The following CD81 variants were observed in gnomAD, a reference collection of about 807,000 sequenced individuals.
CD81 encodes the protein CD81 antigen.
In CD81, 10 loss-of-function variants were observed where a neutral mutation model predicts 30.1. The ratio of observed to expected loss-of-function variants is 0.33; its 90% confidence interval spans 0.21 to 0.56. The LOEUF is 0.56. Among genes scored for constraint, CD81 ranks in the 20% least tolerant of loss-of-function variants. The pLI is 0.89. For synonymous variants in CD81, 147 were observed against 126.4 expected, an observed-to-expected ratio of 1.16 and a Z score of -1.10; for missense variants, 263 against 308.7, an observed-to-expected ratio of 0.85 and a Z score of 1.11.
At chr11:2,386,723 G>A (rs1849804834) in intron 1 of CD81, 3 of 690,636 alleles carry the variant, frequency 4.3e-6, no homozygotes, top group South Asian at 3.0e-5. Context: ...TGGTAGCCTC[G>A]GGGACAGTTG....
intron 1 of CD81, among the ~76,000 whole-genome samples, chr11:2,383,452 T>C (rs1849735511): frequency 1.3e-5 from 2 of 152,108 alleles, no homozygotes. Flanking sequence ...CAGCGTCCCT[T>C]CCTGGAAGCA....
At chr11:2,393,513 AGGTCCCGTAAC>A (rs1285443875) in intron 2 of CD81, 22 of 240,256 alleles carry the variant, frequency 9.2e-5, no homozygotes, top group Non-Finnish European at 1.6e-4. Context: ...GTTCAAATGC[AGGTCCCGTAAC>A]GGAAGTGCTG....
At chr11:2,379,037 C>T (rs1186143979) in intron 1 of CD81, 4 of 418,360 alleles carry the variant, frequency 9.6e-6, no homozygotes, top group Non-Finnish European at 2.0e-5. Flanking sequence ...TCGGCACTGC[C>T]CTGGCAGTGG....
intron 2 of CD81, 160 bp from the exon 3 acceptor site, chr11:2,393,935 A>G (rs765723367): frequency 2.8e-6 from 2 of 709,612 alleles, no homozygotes; most frequent in Non-Finnish European, 2.6e-6. Context: ...TCACCAGGCC[A>G]GGCTGGGATG....
intron 1 of CD81, among the ~76,000 whole-genome samples, chr11:2,380,187 G>A (rs533241042): frequency 6.6e-6 from 1 of 152,276 alleles, no homozygotes; most frequent in Admixed American, 6.5e-5. Context: ...AGGATGTGCA[G>A]TGGGGAAGGG....
chr11:2,379,184 C>G (rs116567970), intron 1 of CD81: 25 of 453,756 alleles, frequency 5.5e-5, no homozygotes, highest in Non-Finnish European at 1.1e-4. Context: ...CTGCCAGCCC[C>G]TGAAGCCCCG....
At chr11:2,386,533 C>A (rs1849800753) in intron 1 of CD81, 1 of 716,526 alleles carries the variant, frequency 1.4e-6, no homozygotes, top group Non-Finnish European at 2.6e-6. Flanking sequence ...CAGTGACCAT[C>A]ACCACCATTG....
rs769059226 is a variant in CD81, at chr11:2,396,664, G to C, written c.598G>C (p.Gly200Arg). 5 of 1,611,716 alleles carry C rather than the reference G, an allele frequency of 3.1e-6. No homozygotes were observed. The highest frequency in any genetic ancestry group is 4.2e-6 in the Non-Finnish European group (5 of 1,180,002). Residue 200 changes from glycine (G) to arginine (R), a missense_variant, in exon 7 of 8, where the codon GGG (glycine) becomes CGG (arginine). By Grantham distance (125) the Gly-to-Arg change is moderately radical (BLOSUM62 -2). Coordinates refer to ENST00000263645, the MANE Select transcript of CD81 (RefSeq NM_004356.4). The stretch of plus-strand genomic sequence containing the variant: ...CCAGAAGATCGATGACCTCTTCTCC[G>C]GGAAGCTGTACCTCATCGGCATTGC... The part of the protein sequence containing the change: ...CHQKIDDLFS[G>R]KLYLIGIAAI...
chr11:2,388,124 G>A (rs575468827), intron 1 of CD81, among the ~76,000 whole-genome samples: 1 of 152,180 alleles, frequency 6.6e-6, no homozygotes, highest in Non-Finnish European at 1.5e-5. Flanking sequence ...ATAACTCACT[G>A]TAGCCTCAAC....
chr11:2,393,990 C>T (rs1849950014), intron 2 of CD81, 105 bp from the exon 3 acceptor site: 1 of 843,734 alleles, frequency 1.2e-6, no homozygotes, highest in Non-Finnish European at 2.1e-6. Flanking sequence ...AACCCTACAT[C>T]TTCCCAGCTG....
In CD81 at chr11:2,396,657, C is replaced by T. The variant is rs780494065; in HGVS notation, c.591C>T (p.Leu197=). The change falls in exon 7 of 8, where the codon CTC becomes CTT. Residue 197 remains leucine, a synonymous_variant. Coordinates refer to ENST00000263645, the MANE Select transcript of CD81 (RefSeq NM_004356.4). The part of the protein sequence containing the change: ...KEDCHQKIDD[L]FSGKLYLIGI... ...ACTGCCACCAGAAGATCGATGACCT[C>T]TTCTCCGGGAAGCTGTACCTCATCG... 5 of 1,611,840 alleles carry T rather than the reference C, an allele frequency of 3.1e-6. No individual in the cohort carries two copies. In the Admixed American group the frequency reaches 8.3e-5, roughly 27 times the overall value.
chr11:2,379,532 A>AG (rs1411076956), intron 1 of CD81, among the ~76,000 whole-genome samples: 12 of 148,762 alleles, frequency 8.1e-5, no homozygotes, highest in Admixed American at 2.0e-4. Flanking sequence ...GAGTCACGGG[A>AG]GGGGACTTCT....
At chr11:2,381,869 G>A (rs868448379) in intron 1 of CD81, among the ~76,000 whole-genome samples, 2 of 152,234 alleles carry the variant, frequency 1.3e-5, no homozygotes, top group Admixed American at 1.3e-4. Flanking sequence ...CTTCCAAGTC[G>A]TCCCCACCTG....
chr11:2,391,608 A>C (rs1849901720), intron 2 of CD81: 1 of 152,062 alleles, frequency 6.6e-6, no homozygotes, highest in African/African-American at 2.4e-5. Flanking sequence ...CAGAGACAGA[A>C]GCCTGTGGCC....
intron 1 of CD81, among the ~76,000 whole-genome samples, chr11:2,380,444 C>T (rs2133441229): frequency 6.6e-6 from 1 of 152,268 alleles, no homozygotes; most frequent in East Asian, 1.9e-4. Flanking sequence ...CACACACTCC[C>T]ACCTTCACAC....
At chr11:2,384,316 G>A (rs568012285) in intron 1 of CD81, among the ~76,000 whole-genome samples, 1 of 147,348 alleles carries the variant, frequency 6.8e-6, no homozygotes, top group Non-Finnish European at 1.5e-5. Context: ...CGCCTTGGGA[G>A]GCGGGGTGTC....
At position 2,396,871 on chromosome 11, in the gene CD81, CCG is replaced by C; in HGVS notation, c.*7_*8del. The C allele has an allele frequency of 1.2e-6, 2 of 1,612,484 alleles. No individual in the cohort carries two copies. Among genetic ancestry groups the C allele is most frequent in the Non-Finnish European group, 1.7e-6 (2 of 1,179,932 alleles). On this transcript the variant is annotated 3_prime_UTR_variant, in exon 8 of 8. Transcript: ENST00000263645. ...CGGAACAGCTCCGTGTACTGAGGCCCCGCAGCTCTGGCCACAGGGACCTCTGC... is the reference window on the plus strand; with the variant it reads ...CGGAACAGCTCCGTGTACTGAGGCCCCAGCTCTGGCCACAGGGACCTCTGC...
At chr11:2,382,804 G>T (rs1047695177) in intron 1 of CD81, among the ~76,000 whole-genome samples, 1 of 152,240 alleles carries the variant, frequency 6.6e-6, no homozygotes, top group Non-Finnish European at 1.5e-5. Context: ...CAGGACAGGC[G>T]AAGGACCCAG....
At chr11:2,380,455 A>T (rs768590733) in intron 1 of CD81, among the ~76,000 whole-genome samples, 6 of 152,188 alleles carry the variant, frequency 3.9e-5, no homozygotes, top group Non-Finnish European at 8.8e-5. Flanking sequence ...ACCTTCACAC[A>T]CACTCACACT....
Sources: gnomAD v4.1 joint callset for allele counts (sites outside exome capture counted in the v4.1 genomes callset) on GRCh38, gnomAD v4.1.1 for gene constraint, MANE v1.5 for transcripts, NCBI Gene and HGNC (gene_info 2026-07-23, HGNC 2026-07-21) for gene names.